Variants in TDRD3 observed in about 807,000 individuals in gnomAD.
TDRD3 encodes tudor domain-containing protein 3.
A neutral mutation model predicts 86.7 loss-of-function variants in TDRD3; 45 were observed. The ratio of observed to expected loss-of-function variants is 0.52; its 90% CI spans 0.41 to 0.67. TDRD3 has a LOEUF of 0.67. Among genes scored for constraint, TDRD3 ranks in the 30% least tolerant of loss-of-function variants. The pLI, the probability that TDRD3 is intolerant of heterozygous loss-of-function variation, is 0.00. For missense variants in TDRD3, 814 were observed against 889.0 expected (o/e 0.92, Z 1.07); for synonymous variants, 298 against 301.7 (o/e 0.99, Z 0.13).
In TDRD3 at chr13:60,529,228, T is replaced by A; in HGVS notation, c.1992+11T>A. 6.4e-7 allele frequency: 1 copy of A among 1,565,284 alleles called. No individual in the cohort carries two copies. The highest frequency in any genetic ancestry group is 8.6e-7 in the Non-Finnish European group (1 of 1,160,044). Reference sequence around the variant, plus strand: ...TGGGAAGACAACAAGGTATGGATGCTTTAAAGATATTATACACTAATATTA... The same window carrying A: ...TGGGAAGACAACAAGGTATGGATGCATTAAAGATATTATACACTAATATTA... On this transcript the variant is annotated intron_variant, in intron 11 of 13. Coordinates refer to ENST00000377881, the MANE Select transcript of TDRD3 (RefSeq NM_001146070.2).
At chr13:60,426,738 G>A (rs1169756264) in intron 1 of TDRD3, among the ~76,000 whole-genome samples, 2 of 152,128 alleles carry the variant, frequency 1.3e-5, no homozygotes, top group East Asian at 3.9e-4. Flanking sequence ...GGGACAAATG[G>A]TTTCACAGAG....
chr13:60,435,918 G>GTTTTTTTTTTTTTTTTTTTTTTTTTTTTT (rs767705603), intron 1 of TDRD3, among the ~76,000 whole-genome samples: 8 of 124,760 alleles, frequency 6.4e-5, no homozygotes, highest in Admixed American at 1.7e-4. Flanking sequence ...AACATCTATG[G>GTTTTTTTTTTTTTTTTTTTTTTTTTTTTT]TTTTTTTTTT....
chr13:60,545,609 A>C (rs528102200), intron 12 of TDRD3, among the ~76,000 whole-genome samples: 1 of 152,214 alleles, frequency 6.6e-6, no homozygotes, highest in Non-Finnish European at 1.5e-5. Flanking sequence ...TCTTGAAAAG[A>C]CTTAATAAGG....
At chr13:60,397,202 C>T (rs1299560281), upstream of TDRD3, 82 of 423,394 alleles carry the variant, frequency 1.9e-4, no homozygotes, top group East Asian at 3.0e-3. Flanking sequence ...GGAACCCGCA[C>T]GCGGAAGCGC....
At chr13:60,464,661 G>A (rs1955879239) in intron 4 of TDRD3, among the ~76,000 whole-genome samples, 2 of 152,082 alleles carry the variant, frequency 1.3e-5, no homozygotes, top group Non-Finnish European at 2.9e-5. Flanking sequence ...CAACAACAGG[G>A]ATAGAACTGG....
chr13:60,519,430 G>T (rs896975812), intron 10 of TDRD3, among the ~76,000 whole-genome samples: 1 of 152,028 alleles, frequency 6.6e-6, no homozygotes, highest in South Asian at 2.1e-4. Context: ...CTAGTGCCTC[G>T]TATATAAATA....
At chr13:60,466,470 C>A (rs150946575) in intron 4 of TDRD3, among the ~76,000 whole-genome samples, 134 of 152,002 alleles carry the variant, frequency 8.8e-4, no homozygotes, top group African/African-American at 2.9e-3. Flanking sequence ...GACTAAACCT[C>A]ATTTCTTTGT....
chr13:60,524,559 C>T (rs1179234838), intron 10 of TDRD3, among the ~76,000 whole-genome samples: 1 of 151,502 alleles, frequency 6.6e-6, no homozygotes, highest in Non-Finnish European at 1.5e-5. Context: ...AGAACGATTG[C>T]CTCTCCCACA....
At chr13:60,498,266 C>T (rs1467824493) in intron 8 of TDRD3, among the ~76,000 whole-genome samples, 1 of 152,160 alleles carries the variant, frequency 6.6e-6, no homozygotes, top group African/African-American at 2.4e-5. Flanking sequence ...TGTAATTGCT[C>T]TTCTCTGTAT....
intron 11 of TDRD3, among the ~76,000 whole-genome samples, chr13:60,531,520 G>A (rs1226916018): frequency 1.3e-5 from 2 of 152,136 alleles, no homozygotes; most frequent in African/African-American, 2.4e-5. Context: ...TGGGGTTACT[G>A]GTGACCTTGA....
At chr13:60,395,996 AACG>A (rs1953890179), upstream of TDRD3, among the ~76,000 whole-genome samples, 1 of 152,154 alleles carries the variant, frequency 6.6e-6, no homozygotes, top group Admixed American at 6.5e-5. Flanking sequence ...GGGAAGACCA[AACG>A]GAATACCCCA....
chr13:60,460,392 T>G lies in TDRD3; in HGVS notation c.205T>G (p.Cys69Gly). 1 of 1,602,652 alleles carries G rather than the reference T, an allele frequency of 6.2e-7. No homozygotes were observed. The highest frequency in any genetic ancestry group is 8.5e-7 in the Non-Finnish European group (1 of 1,177,066). Residue 69 changes from cysteine to glycine, a missense_variant, in exon 4 of 14, where the codon TGT (cysteine) becomes GGT (glycine). Transcript: ENST00000377881. ...SGKVEKLEGP[C>G]VLQIQKIRNV... ...TCTGTTTTGACAGCTCGAAGGTCCA[T>G]GTGTTTTGCAAATTCAAAAAATTCG...
chr13:60,530,275 T>C (rs953074319), intron 11 of TDRD3, among the ~76,000 whole-genome samples: 3 of 152,172 alleles, frequency 2.0e-5, no homozygotes, highest in Non-Finnish European at 4.4e-5. Flanking sequence ...TAATTATTTG[T>C]TAACTCTGTT....
intron 1 of TDRD3, among the ~76,000 whole-genome samples, chr13:60,416,069 T>C (rs777789315): frequency 7.2e-5 from 11 of 152,194 alleles, no homozygotes; most frequent in African/African-American, 2.2e-4. Context: ...TTAATAACTT[T>C]GTTGGATGGC....
At chr13:60,477,845 A>G (rs1490701694) in intron 5 of TDRD3, among the ~76,000 whole-genome samples, 4 of 152,114 alleles carry the variant, frequency 2.6e-5, no homozygotes, top group Non-Finnish European at 5.9e-5. Context: ...TTGTTGTTGC[A>G]TCTTTGCCAG....
intron 13 of TDRD3, among the ~76,000 whole-genome samples, chr13:60,570,170 C>G (rs533863166): frequency 1.2e-4 from 19 of 152,140 alleles, no homozygotes; most frequent in Non-Finnish European, 1.9e-4. Flanking sequence ...ATCCATCTGA[C>G]AAGCGCTTAA....
chr13:60,524,637 A>T (rs191412466), intron 10 of TDRD3, among the ~76,000 whole-genome samples: 14 of 152,180 alleles, frequency 9.2e-5, no homozygotes, highest in Admixed American at 9.2e-4. Flanking sequence ...CTTACTTTAT[A>T]TATGACTTTA....
chr13:60,435,501 A>G (rs1865147674), intron 1 of TDRD3, among the ~76,000 whole-genome samples: 1 of 152,186 alleles, frequency 6.6e-6, no homozygotes, highest in South Asian at 2.1e-4. Flanking sequence ...GCTCCCACTT[A>G]CAAGTGAGAA....
At chr13:60,513,357 C>T (rs1444332486) in intron 10 of TDRD3, among the ~76,000 whole-genome samples, 1 of 152,176 alleles carries the variant, frequency 6.6e-6, no homozygotes, top group African/African-American at 2.4e-5. Context: ...CTCTGACATG[C>T]CCTGAAGACA....
Sources: allele counts gnomAD v4.1 joint callset (sites outside exome capture counted in the v4.1 genomes callset), GRCh38; gene constraint gnomAD v4.1.1; transcripts MANE v1.5; gene names NCBI Gene and HGNC (gene_info 2026-07-23, HGNC 2026-07-21).